FRMPD1: variants seen among roughly 807,000 people sequenced by gnomAD.
FRMPD1 encodes the protein FERM and PDZ domain-containing protein 1.
In FRMPD1, 76 loss-of-function variants were observed where a neutral mutation model predicts 117.8. The ratio of observed to expected loss-of-function variants is 0.65; its 90% CI spans 0.54 to 0.78. FRMPD1 has a LOEUF of 0.78. Among genes scored for constraint, FRMPD1 ranks in the 30% least tolerant of loss-of-function variants. The pLI is 0.00. For synonymous variants in FRMPD1, 783 were observed against 770.4 expected (o/e 1.02, Z -0.27); for missense variants, 1,786 against 1,964.5 (o/e 0.91, Z 1.72).
intron 4 of FRMPD1, among the ~76,000 whole-genome samples, chr9:37,710,979 A>AAT (rs2118176903): frequency 1.3e-5 from 2 of 148,426 alleles, no homozygotes. Flanking sequence ...AAAAAAAAAA[A>AAT]ATTGGGGGAC....
At chr9:37,612,757 G>A in the FRMPD1 span, among the ~76,000 whole-genome samples, 2 of 152,166 alleles carry the variant, frequency 1.3e-5, no homozygotes, top group African/African-American at 4.8e-5. Flanking sequence ...CTCCCAAAGT[G>A]TTGGGATTAC....
the FRMPD1 span, among the ~76,000 whole-genome samples, chr9:37,623,758 G>C: frequency 6.6e-6 from 1 of 152,106 alleles, no homozygotes; most frequent in Non-Finnish European, 1.5e-5. Flanking sequence ...AAGGTAGGAG[G>C]CTTTAGAGAT....
the FRMPD1 span, among the ~76,000 whole-genome samples, chr9:37,605,036 T>C: frequency 6.6e-6 from 1 of 152,252 alleles, no homozygotes; most frequent in Non-Finnish European, 1.5e-5. Flanking sequence ...GATAGTACAT[T>C]GTGGAGCTGG....
chr9:37,728,958 G>A (rs1343675076), intron 7 of FRMPD1, among the ~76,000 whole-genome samples: 9 of 117,126 alleles, frequency 7.7e-5, no homozygotes, highest in African/African-American at 2.6e-4. Context: ...GCGAGATTCC[G>A]TCTCAAAAAA....
In FRMPD1 at chr9:37,707,530, C is replaced by T; in HGVS notation, c.216C>T (p.His72=). The T allele has an allele frequency of 6.2e-7, 1 of 1,613,988 alleles. No individual in the cohort carries two copies. Among genetic ancestry groups the T allele is most frequent in the Non-Finnish European group, 8.5e-7 (1 of 1,179,850 alleles). Residue 72 remains histidine, a synonymous_variant, in exon 3 of 16, where the codon CAC becomes CAT. Coordinates refer to ENST00000377765, the MANE Select transcript of FRMPD1 (RefSeq NM_014907.3). Reference sequence around the variant, plus strand: ...CCCTCCTCCAGGACTATGGATTTCACATTTCTGAGAGCCTTCCCCTTACAG... The same window carrying T: ...CCCTCCTCCAGGACTATGGATTTCATATTTCTGAGAGCCTTCCCCTTACAG... ...KDTLLQDYGF[H]ISESLPLTVV...
At chr9:37,737,930 A>G (rs1172707966) in intron 14 of FRMPD1, among the ~76,000 whole-genome samples, 7 of 151,856 alleles carry the variant, frequency 4.6e-5, no homozygotes, top group Admixed American at 3.3e-4. Flanking sequence ...TTACCTATGC[A>G]CTCTTTTGCA....
chr9:37,649,212 G>T (rs1820595136), upstream of FRMPD1, among the ~76,000 whole-genome samples: 1 of 152,174 alleles, frequency 6.6e-6, no homozygotes, highest in South Asian at 2.1e-4. Context: ...AGAGTAATTT[G>T]ATGATTAATC....
chr9:37,667,320 C>A (rs1369481222), intron 1 of FRMPD1, among the ~76,000 whole-genome samples: 2 of 150,964 alleles, frequency 1.3e-5, no homozygotes, highest in South Asian at 4.2e-4. Context: ...CCCACCTCAG[C>A]CTCCCAAAGT....
intron 2 of FRMPD1, among the ~76,000 whole-genome samples, chr9:37,697,427 C>T (rs899585217): frequency 2.0e-5 from 3 of 151,736 alleles, no homozygotes; most frequent in Non-Finnish European, 4.4e-5. Context: ...ATTAGCCGGG[C>T]GTGGTGGCAG....
intron 1 of FRMPD1, among the ~76,000 whole-genome samples, chr9:37,663,724 A>G (rs1821068331): frequency 6.6e-6 from 1 of 152,214 alleles, no homozygotes; most frequent in South Asian, 2.1e-4. Flanking sequence ...ACCCCACTGC[A>G]GATAAGAAAA....
chr9:37,683,269 T>A (rs1821793287), intron 1 of FRMPD1, among the ~76,000 whole-genome samples: 1 of 152,218 alleles, frequency 6.6e-6, no homozygotes, highest in African/African-American at 2.4e-5. Flanking sequence ...TACTTCAAAC[T>A]TTTGCCACAC....
intron 1 of FRMPD1, among the ~76,000 whole-genome samples, chr9:37,663,267 G>C (rs1821054009): frequency 6.6e-6 from 1 of 152,154 alleles, no homozygotes; most frequent in Non-Finnish European, 1.5e-5. Context: ...TTCTGCCCCA[G>C]GCTGAGAGAT....
intron 7 of FRMPD1, 74 bp downstream of exon 7, chr9:37,724,394 C>T (rs1823534383): frequency 2.7e-6 from 2 of 747,948 alleles, no homozygotes; most frequent in Non-Finnish European, 4.8e-6. Context: ...GGCATCTTGC[C>T]CTGCATCTGC....
At chr9:37,744,185 G>A (rs753582336) in intron 15 of FRMPD1, among the ~76,000 whole-genome samples, 43 of 151,944 alleles carry the variant, frequency 2.8e-4, no homozygotes, top group Admixed American at 1.0e-3. Context: ...AAGAGACTCC[G>A]TCTCAAAAAA....
At chr9:37,704,376 T>C (rs2118124041) in intron 2 of FRMPD1, among the ~76,000 whole-genome samples, 1 of 152,294 alleles carries the variant, frequency 6.6e-6, no homozygotes, top group South Asian at 2.1e-4. Flanking sequence ...TTAAATAAAA[T>C]ATATGTTATT....
At chr9:37,696,665 A>G (rs187399135) in intron 2 of FRMPD1, among the ~76,000 whole-genome samples, 2 of 152,274 alleles carry the variant, frequency 1.3e-5, no homozygotes, top group Non-Finnish European at 2.9e-5. Flanking sequence ...TACTAACATT[A>G]GCCCTGAATT....
chr9:37,701,518 T>TGCATGTAC (rs1822534601), intron 2 of FRMPD1, among the ~76,000 whole-genome samples: 2 of 71,204 alleles, frequency 2.8e-5, no homozygotes, highest in Non-Finnish European at 4.5e-5. Flanking sequence ...TACGTGTGTG[T>TGCATGTAC]GTGTGTGTGT....
chr9:37,719,260 C>T (rs746142867), intron 6 of FRMPD1, 84 bp downstream of exon 6: 9 of 843,248 alleles, frequency 1.1e-5, no homozygotes, highest in Non-Finnish European at 1.4e-5. Flanking sequence ...TGGAATTCCA[C>T]AGCACAGAGG....
In FRMPD1 at chr9:37,705,225, G is replaced by T. The variant is rs908273331; in HGVS notation, c.102-2191G>T. On this transcript the variant is annotated intron_variant, in intron 2 of 15. Coordinates refer to ENST00000377765, the MANE Select transcript of FRMPD1 (RefSeq NM_014907.3). ...CTAAAAAACAAAAAAAAAATAATAAGGTGGTACTTTTCCATTCCTGTGCTC... is the reference window on the plus strand; with the variant it reads ...CTAAAAAACAAAAAAAAAATAATAATGTGGTACTTTTCCATTCCTGTGCTC... Among the ~76,000 whole-genome samples the T allele has an allele frequency of 3.3e-5, 5 of 152,088 alleles. No homozygotes were observed. The Middle Eastern group carries it at 0.01, about 313-fold the overall frequency.
Sources: gnomAD v4.1 joint callset for allele counts (sites outside exome capture counted in the v4.1 genomes callset) on GRCh38, gnomAD v4.1.1 for gene constraint, MANE v1.5 for transcripts, NCBI Gene and HGNC (gene_info 2026-07-23, HGNC 2026-07-21) for gene names.